Variants in ODAD3 observed in about 807,000 individuals in gnomAD.
The protein encoded by ODAD3 is outer dynein arm docking complex subunit 3.
In ODAD3, 57 loss-of-function variants were observed where a neutral mutation model predicts 70.9. The ratio of observed to expected loss-of-function variants is 0.80; its 90% CI spans 0.65 to 1.00. ODAD3 has a LOEUF of 1.00. Ranked by LOEUF, ODAD3 falls within the 50% of genes least tolerant of loss-of-function variation. The probability of loss-of-function intolerance (pLI) is 0.00; values close to 1 mark genes in which losing one functional copy is unlikely to be tolerated. For missense variants in ODAD3, 797 were observed against 763.9 expected, an observed-to-expected ratio of 1.04 and a Z score of -0.51; for synonymous variants, 327 against 315.9, an observed-to-expected ratio of 1.04 and a Z score of -0.37.
chr19:11,426,857 C>G lies in ODAD3; in HGVS notation c.612+16G>C. 1 of 1,609,984 alleles carries G rather than the reference C, an allele frequency of 6.2e-7. No individual in the cohort carries two copies. Among genetic ancestry groups the G allele is most frequent in the South Asian group, 1.1e-5 (1 of 90,802 alleles). On this transcript the variant is annotated intron_variant, in intron 4 of 12. Transcript: ENST00000356392. ...CCCACACGACCCTCTGCCCTGCAGG[C>G]CTCACCCGCCCCTACCTTGGCCACC...
Position 11,420,860 on chromosome 19 carries a change from T to C in ODAD3, c.1763A>G (p.Lys588Arg). The change falls in exon 13 of 13, where the codon AAG becomes AGG. Residue 588 changes from lysine to arginine, a missense_variant. Lys to Arg is a conservative substitution (Grantham distance 26). Transcript: ENST00000356392. ...CTAGGACCTCCGAGAGCGACGGTGCTTCTTGTGACTTTCGATTAATTTCTG... is the reference window on the plus strand; with the variant it reads ...CTAGGACCTCCGAGAGCGACGGTGCCTCTTGTGACTTTCGATTAATTTCTG... ...RSQKLIESHK[K>R]HRRSRRS 1 of 1,613,864 alleles carries C rather than the reference T, an allele frequency of 6.2e-7. No individual in the cohort carries two copies. The highest frequency in any genetic ancestry group is 8.5e-7 in the Non-Finnish European group (1 of 1,179,890).
chr19:11,421,976 G>T, intron 10 of ODAD3, 144 bp from the exon 11 acceptor site: 1 of 861,400 alleles, frequency 1.2e-6, no homozygotes, highest in South Asian at 1.8e-5. Flanking sequence ...TGGGGGCGGG[G>T]ACTTAGGTCA....
rs760441848 is a variant in ODAD3, at chr19:11,422,670, C to A, written c.1277+31G>T. Reference sequence around the variant, plus strand: ...GTCACCCCGGGGGCTCAGCCCGCCCCGCCGCCCTCCCCAGAGCCCCGGTGC... The same window carrying A: ...GTCACCCCGGGGGCTCAGCCCGCCCAGCCGCCCTCCCCAGAGCCCCGGTGC... On this transcript the variant is annotated intron_variant, in intron 9 of 12. Coordinates refer to ENST00000356392, the MANE Select transcript of ODAD3 (RefSeq NM_145045.5). The surrounding 1 kb of genome is among the most constrained non-coding windows in gnomAD (Gnocchi z 4.6). 7 of 1,607,126 alleles carry A rather than the reference C, an allele frequency of 4.4e-6. No homozygotes were observed. The South Asian group carries it at 6.6e-5, about 15-fold the overall frequency.
chr19:11,425,337 A>ATGTG (rs1969307310), intron 7 of ODAD3, among the ~76,000 whole-genome samples: 8 of 127,832 alleles, frequency 6.3e-5, no homozygotes, highest in African/African-American at 2.0e-4. Flanking sequence ...ACATATGTGT[A>ATGTG]TATATGTATA....
chr19:11,423,422 C>A (rs1188648596), intron 8 of ODAD3, among the ~76,000 whole-genome samples: 1 of 152,264 alleles, frequency 6.6e-6, no homozygotes, highest in South Asian at 2.1e-4. Context: ...AAGGGGGACA[C>A]AGCGGTCTTA....
intron 1 of ODAD3, among the ~76,000 whole-genome samples, chr19:11,434,230 AC>A (rs1229011031): frequency 0.14 from 19,835 of 140,050 alleles, 2,734 homozygotes; most frequent in African/African-American, 0.28. Flanking sequence ...AAAAAACAAA[AC>A]AAAAAAAAAC....
Position 11,434,785 on chromosome 19 carries a change from T to A in ODAD3, c.232A>T (p.Ile78Leu). ...HSQVAELHKK[I>L]QLLEGDRKAF... Reference sequence around the variant, plus strand: ...GGAGCCATCTTACCTAACAGTTGTATCTTTTTATGTAACTCAGCCACCTGA... The same window carrying A: ...GGAGCCATCTTACCTAACAGTTGTAACTTTTTATGTAACTCAGCCACCTGA... The change falls in exon 1 of 13, where the codon ATA becomes TTA. Residue 78 changes from isoleucine (I) to leucine (L), a missense_variant. Physicochemically the swap from Ile to Leu is conservative, Grantham distance 5 (BLOSUM62 2). Coordinates refer to ENST00000356392, the MANE Select transcript of ODAD3 (RefSeq NM_145045.5). 1 of 1,613,026 alleles carries A rather than the reference T, an allele frequency of 6.2e-7. No homozygotes were observed. Among genetic ancestry groups the A allele is most frequent in the Non-Finnish European group, 8.5e-7 (1 of 1,179,176 alleles).
intron 2 of ODAD3, 24 bp from the exon 3 acceptor site, chr19:11,430,800 C>G (rs371817446): frequency 7.3e-5 from 118 of 1,613,950 alleles, no homozygotes; most frequent in Non-Finnish European, 7.8e-5. Context: ...AGTCCAGTCA[C>G]CTTTCAGCAT....
In ODAD3 at chr19:11,420,804, AG is replaced by A. The variant is rs748034420; in HGVS notation, c.*30del. ...GACCCGGAGGGATCGGGGGCTCCGA[AG>A]GGGGCCGCCTGGTGGGTGTCAGGAC... On this transcript the variant is annotated 3_prime_UTR_variant, in exon 13 of 13. Coordinates refer to ENST00000356392, the MANE Select transcript of ODAD3 (RefSeq NM_145045.5). The A allele has an allele frequency of 6.3e-7, 1 of 1,586,880 alleles. No homozygotes were observed. Among genetic ancestry groups the A allele is most frequent in the Non-Finnish European group, 8.7e-7 (1 of 1,155,772 alleles).
upstream of ODAD3, chr19:11,435,290 AGCCGC>A: frequency 9.7e-7 from 1 of 1,034,956 alleles, no homozygotes; most frequent in African/African-American, 1.6e-5. Flanking sequence ...GGCGGGGTAG[AGCCGC>A]GCCGCAGGAC....
intron 8 of ODAD3, among the ~76,000 whole-genome samples, chr19:11,423,531 C>T (rs908294991): frequency 6.6e-6 from 1 of 152,144 alleles, no homozygotes; most frequent in Admixed American, 6.5e-5. Flanking sequence ...GGTCCCAGAC[C>T]ATGTTACAGA....
intron 7 of ODAD3, among the ~76,000 whole-genome samples, chr19:11,424,969 A>G (rs192476073): frequency 6.3e-5 from 8 of 127,620 alleles, no homozygotes; most frequent in Non-Finnish European, 6.4e-5. Context: ...ATGTGTATAT[A>G]TGTATATATG....
chr19:11,421,784 A>T lies in ODAD3; in HGVS notation c.1483T>A (p.Tyr495Asn). The T allele has an allele frequency of 1.2e-6, 2 of 1,613,278 alleles. No homozygotes were observed. Among genetic ancestry groups the T allele is most frequent in the South Asian group, 2.2e-5 (2 of 91,090 alleles). The change falls in exon 11 of 13, where the codon TAT (tyrosine) becomes AAT (asparagine). Residue 495 changes from tyrosine (Y) to asparagine (N), a missense_variant. Physicochemically the swap from Tyr to Asn is moderately radical, Grantham distance 143. Transcript: ENST00000356392. ...GKELDPQADNYVPNLLGLVEE... is the reference protein window; with the variant it reads ...GKELDPQADNNVPNLLGLVEE... ...ACGAGGCCCAGCAGGTTTGGCACAT[A>T]GTTATCTGCCTGGGGATCCAGCTCC...
Position 11,420,854 on chromosome 19 carries a change from C to T in ODAD3, c.1769G>A (p.Arg590His). Residue 590 changes from arginine (R) to histidine (H), a missense_variant, in exon 13 of 13, where the codon CGT (arginine) becomes CAT (histidine). Arg to His is a conservative substitution (Grantham distance 29, BLOSUM62 0). Coordinates refer to ENST00000356392, the MANE Select transcript of ODAD3 (RefSeq NM_145045.5). ...QKLIESHKKH[R>H]RSRRS ...ACGAGTCTAGGACCTCCGAGAGCGA[C>T]GGTGCTTCTTGTGACTTTCGATTAA... The T allele has an allele frequency of 6.2e-7, 1 of 1,613,954 alleles. No individual in the cohort carries two copies. Among genetic ancestry groups the T allele is most frequent in the Admixed American group, 1.7e-5 (1 of 60,004 alleles).
intron 3 of ODAD3, 58 bp from the exon 4 acceptor site, chr19:11,427,098 T>G: frequency 1.4e-6 from 2 of 1,459,046 alleles, no homozygotes; most frequent in Non-Finnish European, 1.8e-6. Context: ...GACACACACC[T>G]AGCCCTTCCT....
In ODAD3 at chr19:11,425,156, T is replaced by C. The variant is rs919443241; in HGVS notation, c.963+988A>G. 6.0e-5 allele frequency among the ~76,000 whole-genome samples: 8 copies of C among 133,608 alleles called. 1 individual carries two copies. Among genetic ancestry groups the C allele is most frequent in the African/African-American group, 1.2e-4 (4 of 33,112 alleles). 87.7% of individuals were successfully genotyped at this position (133,608 alleles called of 152,430 possible). On this transcript the variant is annotated intron_variant, in intron 7 of 12. Transcript: ENST00000356392. ...ATATGTGTATATGTACATATGTATA[T>C]ATACATATGTGTATATGTACATATG...
chr19:11,429,154 C>T (rs1252365239), intron 3 of ODAD3, among the ~76,000 whole-genome samples: 1 of 152,056 alleles, frequency 6.6e-6, no homozygotes, highest in Non-Finnish European at 1.5e-5. Context: ...GCTGGGATTA[C>T]AGGCGTGAGC....
intron 7 of ODAD3, among the ~76,000 whole-genome samples, chr19:11,425,636 T>TATATGCATACATGCATATACGC (rs1969347660): frequency 7.1e-6 from 1 of 140,220 alleles, no homozygotes; most frequent in African/African-American, 3.0e-5. Context: ...CATATATGTA[T>TATATGCATACATGCATATACGC]ATATATGTAT....
chr19:11,425,281 A>G lies in ODAD3; in HGVS notation c.963+863T>C, dbSNP rs141721345. Among the ~76,000 whole-genome samples, 55 of 140,310 alleles carry G rather than the reference A, an allele frequency of 3.9e-4. 2 individuals carry two copies. The highest frequency in any genetic ancestry group is 2.4e-3 in the South Asian group (11 of 4,624). 92.0% of individuals were successfully genotyped at this position (140,310 alleles called of 152,430 possible). ...TGTACATATGTGTATATGTGTGTAT[A>G]TGTACATATGTGTATATATGTGTAT... On this transcript the variant is annotated intron_variant, in intron 7 of 12. Transcript: ENST00000356392.
Sources: allele counts gnomAD v4.1 joint callset (sites outside exome capture counted in the v4.1 genomes callset), GRCh38; gene constraint gnomAD v4.1.1; non-coding constraint Gnocchi (gnomAD v3.1); transcripts MANE v1.5; gene names NCBI Gene and HGNC (gene_info 2026-07-23, HGNC 2026-07-21).